The following NDUFAF6 variants were observed in gnomAD, a reference collection of about 807,000 sequenced individuals.
NDUFAF6 encodes the protein NADH:ubiquinone oxidoreductase complex assembly factor 6, also known as NADH dehydrogenase (ubiquinone) complex I, assembly factor 6.
NDUFAF6 carries 45 observed loss-of-function variants against 40.8 expected under a neutral mutation model. That is an observed-to-expected ratio of 1.10 (90% confidence interval 0.87 to 1.42). NDUFAF6 has a LOEUF of 1.42. Among genes scored for constraint, NDUFAF6 ranks in the 40% most tolerant of loss-of-function variants. The probability of loss-of-function intolerance (pLI) is 0.00; values close to 1 mark genes in which losing one functional copy is unlikely to be tolerated. For missense variants in NDUFAF6, 435 were observed against 418.5 expected, an observed-to-expected ratio of 1.04 and a Z score of -0.34; for synonymous variants, 185 against 155.9, an observed-to-expected ratio of 1.19 and a Z score of -1.39.
At chr8:94,915,282 C>A (rs1043995548) in intron 1 of NDUFAF6, among the ~76,000 whole-genome samples, 2 of 152,118 alleles carry the variant, frequency 1.3e-5, no homozygotes, top group Non-Finnish European at 2.9e-5. Flanking sequence ...CATCTTTACC[C>A]AGTATTTAGC....
intron 1 of NDUFAF6, among the ~76,000 whole-genome samples, chr8:94,917,237 A>G (rs1464917806): frequency 6.6e-6 from 1 of 152,122 alleles, no homozygotes; most frequent in Non-Finnish European, 1.5e-5. Context: ...TAACCTAAGG[A>G]TTTTAGTCCT....
rs1748337191 is a variant in NDUFAF6, at chr8:94,907,535, C to T, written c.-936+11608C>T. Among the ~76,000 whole-genome samples the T allele has an allele frequency of 3.9e-5, 6 of 152,308 alleles. No individual in the cohort carries two copies. In the South Asian group the frequency reaches 1.2e-3, roughly 32 times the overall value. ...CTAAAGCCATAACAGTTTACCATAG[C>T]TGAAACATAGCTGTGATTATCCCAT... is the stretch of plus-strand genomic sequence containing the variant. On this transcript the variant is annotated intron_variant, in intron 1 of 14. Transcript: ENST00000396113.
At chr8:95,010,405 G>T (rs190298383) in intron 2 of NDUFAF6, among the ~76,000 whole-genome samples, 1 of 152,212 alleles carries the variant, frequency 6.6e-6, no homozygotes, top group Admixed American at 6.5e-5. Context: ...AATTTTCAAG[G>T]GCTCTATGGA....
intron 8 of NDUFAF6, among the ~76,000 whole-genome samples, chr8:95,054,451 T>C (rs1408904931): frequency 6.6e-6 from 1 of 151,278 alleles, no homozygotes. Context: ...TTTTTTTTTT[T>C]TGAGACGGAG....
At chr8:94,956,767 T>C (rs1314429921), upstream of NDUFAF6, among the ~76,000 whole-genome samples, 1 of 152,054 alleles carries the variant, frequency 6.6e-6, no homozygotes, top group Admixed American at 6.5e-5. Context: ...TGAAGATTTA[T>C]TTTGAAGATA....
intron 1 of NDUFAF6, among the ~76,000 whole-genome samples, chr8:94,908,566 T>A (rs926668345): frequency 6.6e-6 from 1 of 152,196 alleles, no homozygotes; most frequent in East Asian, 1.9e-4. Context: ...GATGGGGTCT[T>A]GCTATGTTGC....
At chr8:94,909,803 TATATATATATAC>T (rs1563700846) in intron 1 of NDUFAF6, among the ~76,000 whole-genome samples, 6 of 23,280 alleles carry the variant, frequency 2.6e-4, no homozygotes, top group Non-Finnish European at 6.2e-4. Flanking sequence ...TATATACACA[TATATATATATAC>T]ACACACACAC....
intron 1 of NDUFAF6, among the ~76,000 whole-genome samples, chr8:94,925,553 T>C (rs1819815183): frequency 1.3e-5 from 2 of 150,468 alleles, no homozygotes; most frequent in African/African-American, 4.9e-5. Context: ...GAAATCCTTT[T>C]TTTTTTTTTT....
intron 1 of NDUFAF6, among the ~76,000 whole-genome samples, chr8:95,025,634 C>T (rs529939489): frequency 2.6e-5 from 4 of 152,290 alleles, no homozygotes; most frequent in African/African-American, 9.6e-5. Context: ...GTAGACCTAT[C>T]ATTTAAGGTT....
Position 95,045,541 on chromosome 8 carries a change from G to T in NDUFAF6, c.478-4G>T, listed in dbSNP as rs777038228. 2.9e-5 allele frequency: 47 copies of T among 1,607,536 alleles called. No homozygotes were observed. The South Asian group carries it at 4.6e-4, about 16-fold the overall frequency. ...AGACTTTATTTGCATTTTATTTGATGTAGGAAAAAAATCTGGATGACAAAG... is the reference window on the plus strand; with the variant it reads ...AGACTTTATTTGCATTTTATTTGATTTAGGAAAAAAATCTGGATGACAAAG... On this transcript the variant is annotated splice_polypyrimidine_tract_variant and splice_region_variant and intron_variant, in intron 4 of 8. Transcript: ENST00000396124.
chr8:95,045,102 T>G (rs1332769818), intron 4 of NDUFAF6, among the ~76,000 whole-genome samples: 1 of 152,210 alleles, frequency 6.6e-6, no homozygotes, highest in Non-Finnish European at 1.5e-5. Context: ...TGTGTGTCTT[T>G]GGACATGTTA....
intron 2 of NDUFAF6, among the ~76,000 whole-genome samples, chr8:95,017,708 AC>A (rs1035752012): frequency 6.6e-6 from 1 of 152,188 alleles, no homozygotes; most frequent in African/African-American, 2.4e-5. Flanking sequence ...TTCCTAGGAT[AC>A]CCTACAAATT....
chr8:94,968,331 T>C (rs1279083806), intron 1 of NDUFAF6, among the ~76,000 whole-genome samples: 1 of 152,164 alleles, frequency 6.6e-6, no homozygotes, highest in Non-Finnish European at 1.5e-5. Context: ...TTCTAGTCAG[T>C]GGAGACAGGC....
chr8:95,089,928 G>T (rs1407155983), intron 2 of NDUFAF6, among the ~76,000 whole-genome samples: 1 of 152,114 alleles, frequency 6.6e-6, no homozygotes, highest in South Asian at 2.1e-4. Flanking sequence ...CACTATTATG[G>T]GTTTTACTGT....
rs1825832908 is a variant in NDUFAF6 at position 94,985,551 on chromosome 8, T to TTC, written c.-84+4578_-84+4579insTC. 2.1e-5 allele frequency among the ~76,000 whole-genome samples: 2 copies of TTC among 95,446 alleles called. 1 individual carries two copies. The highest frequency in any genetic ancestry group is 8.3e-5 in the African/African-American group (2 of 24,006). The allele number at this position is 95,446 out of a possible 152,430, so 62.6% of individuals were successfully genotyped here. A position where few individuals can be genotyped will look rare whatever the true frequency, so the allele number is the denominator to read the frequency against. On this transcript the variant is annotated intron_variant, in intron 2 of 9. Coordinates refer to the NDUFAF6 transcript ENST00000396111. ...TTTTTTTTTTTTTTTTTTTTTTTTT[T>TTC]CTGAGACAGAATCTCACTCTGTCGC...
At chr8:94,975,733 T>A (rs1824862153) in intron 1 of NDUFAF6, 1 of 152,200 alleles carries the variant, frequency 6.6e-6, no homozygotes, top group Non-Finnish European at 1.5e-5. Flanking sequence ...ATTATTGATT[T>A]TTTTTCTTCC....
intron 2 of NDUFAF6, among the ~76,000 whole-genome samples, chr8:95,014,342 T>A (rs1827351169): frequency 6.6e-6 from 1 of 152,174 alleles, no homozygotes; most frequent in South Asian, 2.1e-4. Context: ...ACAGCACATG[T>A]GAAGGTCCTC....
At chr8:94,924,404 G>C (rs1340380627) in intron 1 of NDUFAF6, among the ~76,000 whole-genome samples, 1 of 152,170 alleles carries the variant, frequency 6.6e-6, no homozygotes. Context: ...CTATTGTGGG[G>C]ATGTGTTATA....
At chr8:94,965,171 A>C (rs1823910892) in intron 1 of NDUFAF6, among the ~76,000 whole-genome samples, 1 of 152,200 alleles carries the variant, frequency 6.6e-6, no homozygotes, top group African/African-American at 2.4e-5. Flanking sequence ...GACAGAAAAA[A>C]GGGGAACTGC....
Sources: gnomAD v4.1 joint callset for allele counts (sites outside exome capture counted in the v4.1 genomes callset) on GRCh38, gnomAD v4.1.1 for gene constraint, MANE v1.5 for transcripts, NCBI Gene and HGNC (gene_info 2026-07-23, HGNC 2026-07-21) for gene names.